DYNC2LI1: variants seen among roughly 807,000 people sequenced by gnomAD.
DYNC2LI1 encodes the protein cytoplasmic dynein 2 light intermediate chain 1.
Under a neutral mutation model 51.9 loss-of-function variants are expected in DYNC2LI1, and 45 were observed. The observed-to-expected ratio is 0.87, with a 90% CI of 0.68 to 1.11. DYNC2LI1 has a LOEUF of 1.11. Ranked by LOEUF, DYNC2LI1 falls within the 50% of genes most tolerant of loss-of-function variation. The probability of loss-of-function intolerance (pLI) is 0.00; values close to 1 mark genes in which losing one functional copy is unlikely to be tolerated. For synonymous variants in DYNC2LI1, 130 were observed against 137.8 expected (o/e 0.94, Z 0.40); for missense variants, 490 against 417.4 (o/e 1.17, Z -1.51).
Position 43,796,624 on chromosome 2 carries a change from A to T in DYNC2LI1, c.577-94A>T, listed in dbSNP as rs143283528. 949 of 919,344 alleles carry T rather than the reference A, an allele frequency of 1.0e-3. 9 individuals carry two copies. In the African/African-American group the frequency reaches 0.014, roughly 14 times the overall value. The allele number at this position is 919,344 out of a possible 1,614,324, so 56.9% of individuals were successfully genotyped here. A position where few individuals can be genotyped will look rare whatever the true frequency, so the allele number is the denominator to read the frequency against. ...CTATTCCTGAAAGTGAGTTTAAAAAAATAAGAAATAATCTATTCTACATTT... is the reference window on the plus strand; with the variant it reads ...CTATTCCTGAAAGTGAGTTTAAAAATATAAGAAATAATCTATTCTACATTT... On this transcript the variant is annotated intron_variant, in intron 7 of 12. Transcript: ENST00000260605.
intron 5 of DYNC2LI1, among the ~76,000 whole-genome samples, chr2:43,792,133 C>T (rs552703523): frequency 1.8e-4 from 28 of 152,154 alleles, no homozygotes; most frequent in African/African-American, 6.5e-4. Context: ...AATGTATATA[C>T]TATTTTTACA....
chr2:43,792,701 C>T, intron 5 of DYNC2LI1: 1 of 1,548,692 alleles, frequency 6.5e-7, no homozygotes, highest in Non-Finnish European at 8.7e-7. Context: ...ATCCCTACTG[C>T]CTGTCTCTAT....
chr2:43,813,244 C>T (rs750285438), downstream of DYNC2LI1: 1 of 1,613,922 alleles, frequency 6.2e-7, no homozygotes, highest in Non-Finnish European at 8.5e-7. Flanking sequence ...CAGGTTTTCT[C>T]AATGAATTGA....
At position 43,792,704 on chromosome 2, in the gene DYNC2LI1, G is replaced by C. The variant is rs1407679843; in HGVS notation, c.321-1753G>C. 4 of 1,548,120 alleles carry C rather than the reference G, an allele frequency of 2.6e-6. No homozygotes were observed. The African/African-American group carries it at 4.1e-5, about 16-fold the overall frequency. ...CTGGCAACTATCATCCCTACTGCCT[G>C]TCTCTATGAATTTGACCACTCCAGT... On this transcript the variant is annotated intron_variant, in intron 5 of 12. Transcript: ENST00000260605.
downstream of DYNC2LI1, among the ~76,000 whole-genome samples, chr2:43,813,709 G>GTTTTTTTTTTTTTTTTT (rs1214033245): frequency 1.2e-3 from 40 of 34,060 alleles, 3 homozygotes; most frequent in African/African-American, 2.2e-3. Flanking sequence ...TTTTTTTTTC[G>GTTTTTTTTTTTTTTTTT]TTTTTTTTTT....
chr2:43,791,427 G>T (rs932089929), intron 5 of DYNC2LI1, among the ~76,000 whole-genome samples: 14 of 152,094 alleles, frequency 9.2e-5, no homozygotes, highest in Admixed American at 9.2e-4. Flanking sequence ...GGTTCTGCAG[G>T]AAGCCAGATC....
chr2:43,789,089 G>C (rs1673655156), intron 4 of DYNC2LI1, among the ~76,000 whole-genome samples: 1 of 152,166 alleles, frequency 6.6e-6, no homozygotes, highest in South Asian at 2.1e-4. Flanking sequence ...TTCTCCACAG[G>C]AATCAGGAAC....
chr2:43,828,022 G>A, the DYNC2LI1 span: 17 of 1,614,070 alleles, frequency 1.1e-5, no homozygotes, highest in South Asian at 6.6e-5. Flanking sequence ...GAGACCCGGC[G>A]CCGCTCACCC....
At position 43,774,088 on chromosome 2, in the gene DYNC2LI1, G is replaced by C; in HGVS notation, c.-51G>C. The C allele has an allele frequency of 6.2e-7, 1 of 1,611,914 alleles. No individual in the cohort carries two copies. Among genetic ancestry groups the C allele is most frequent in the Non-Finnish European group, 8.5e-7 (1 of 1,179,112 alleles). ...TGCGGAGCTCGCCGCCTGATTCTAG[G>C]CTGGTCACTACTCCGAGCCTGTGAC... On this transcript the variant is annotated 5_prime_UTR_variant, in exon 1 of 13. Coordinates refer to ENST00000260605, the MANE Select transcript of DYNC2LI1 (RefSeq NM_016008.4).
intron 1 of DYNC2LI1, among the ~76,000 whole-genome samples, chr2:43,775,404 C>T (rs1672963739): frequency 6.6e-6 from 1 of 151,834 alleles, no homozygotes; most frequent in South Asian, 2.1e-4. Flanking sequence ...ATGATTTTAT[C>T]GTGTAAAGTT....
chr2:43,784,343 A>G (rs1673422018), intron 3 of DYNC2LI1, among the ~76,000 whole-genome samples: 1 of 152,262 alleles, frequency 6.6e-6, no homozygotes, highest in Non-Finnish European at 1.5e-5. Context: ...GACCACATTT[A>G]GACGTTTCCT....
intron 8 of DYNC2LI1, among the ~76,000 whole-genome samples, chr2:43,797,069 ATT>A (rs1261684291): frequency 1.3e-5 from 2 of 152,304 alleles, no homozygotes; most frequent in Non-Finnish European, 2.9e-5. Flanking sequence ...TTGATGATCT[ATT>A]TATTCATTTT....
intron 10 of DYNC2LI1, among the ~76,000 whole-genome samples, chr2:43,804,259 G>A (rs935652099): frequency 3.3e-5 from 5 of 152,190 alleles, no homozygotes; most frequent in Non-Finnish European, 5.9e-5. Flanking sequence ...TATTTTGGTT[G>A]TAGGTCAATT....
At chr2:43,776,699 G>T (rs964419077) in intron 1 of DYNC2LI1, 83 bp from the exon 2 acceptor site, 20 of 648,882 alleles carry the variant, frequency 3.1e-5, no homozygotes, top group Non-Finnish European at 5.3e-5. Context: ...AAATTATACT[G>T]AAATAAAATT....
intron 4 of DYNC2LI1, among the ~76,000 whole-genome samples, chr2:43,788,512 C>T (rs1673627351): frequency 6.6e-6 from 1 of 152,142 alleles, no homozygotes; most frequent in Non-Finnish European, 1.5e-5. Context: ...TTTGTCAGCT[C>T]CTCACAATTT....
At chr2:43,814,623 A>G, downstream of DYNC2LI1, 4 of 1,292,306 alleles carry the variant, frequency 3.1e-6, no homozygotes, top group South Asian at 1.2e-5. Flanking sequence ...GAAATTCAGT[A>G]GGCTCTGGCA....
chr2:43,827,919 A>T, the DYNC2LI1 span: 1 of 1,606,934 alleles, frequency 6.2e-7, no homozygotes, highest in Non-Finnish European at 8.5e-7. Context: ...AAGGGCCCAA[A>T]GTATCTGCAC....
At chr2:43,824,539 A>C in the DYNC2LI1 span, 1 of 1,591,598 alleles carries the variant, frequency 6.3e-7, no homozygotes, top group Non-Finnish European at 8.5e-7. Flanking sequence ...CATCCCATCA[A>C]GATAAAATTT....
At chr2:43,813,697 G>T (rs10187445), downstream of DYNC2LI1, among the ~76,000 whole-genome samples, 24,436 of 90,930 alleles carry the variant, frequency 0.27, 2,713 homozygotes, top group African/African-American at 0.34. Flanking sequence ...TTTTTTTGGG[G>T]TTTTTTTTTT....
Sources: allele counts gnomAD v4.1 joint callset (sites outside exome capture counted in the v4.1 genomes callset), GRCh38; gene constraint gnomAD v4.1.1; transcripts MANE v1.5; gene names NCBI Gene and HGNC (gene_info 2026-07-23, HGNC 2026-07-21).